The following INVS variants were observed in gnomAD, a reference collection of about 807,000 sequenced individuals.
INVS encodes the protein inversion of embryo turning homolog.
INVS carries 86 observed loss-of-function variants against 108.8 expected under a neutral mutation model. That is an observed-to-expected ratio of 0.79 (90% CI 0.66 to 0.95). The LOEUF (loss-of-function observed/expected upper bound fraction) is 0.95. INVS is among the 40% of genes least tolerant of loss of function. The probability of loss-of-function intolerance (pLI) is 0.00; values close to 1 mark genes in which losing one functional copy is unlikely to be tolerated. For synonymous variants in INVS, 455 were observed against 473.5 expected (o/e 0.96, Z 0.51); for missense variants, 1,169 against 1,297.4 (o/e 0.90, Z 1.52).
At chr9:100,112,377 A>G (rs1469189913) in intron 2 of INVS, among the ~76,000 whole-genome samples, 3 of 152,240 alleles carry the variant, frequency 2.0e-5, no homozygotes, top group Non-Finnish European at 4.4e-5. Flanking sequence ...CTTCTGGGAA[A>G]TACATATATC....
intron 10 of INVS, among the ~76,000 whole-genome samples, chr9:100,253,435 TTTAAG>T (rs1832310039): frequency 6.6e-6 from 1 of 152,156 alleles, no homozygotes; most frequent in African/African-American, 2.4e-5. Flanking sequence ...TTAATTATAC[TTTAAG>T]TTCTAGGGTA....
intron 3 of INVS, among the ~76,000 whole-genome samples, chr9:100,184,069 A>G (rs1432483281): frequency 6.6e-6 from 1 of 152,146 alleles, no homozygotes; most frequent in Non-Finnish European, 1.5e-5. Context: ...TTGTAAAGTT[A>G]TGGATATGAA....
intron 9 of INVS, 85 bp downstream of exon 9, chr9:100,252,523 G>A: frequency 8.2e-7 from 1 of 1,223,504 alleles, no homozygotes; most frequent in Non-Finnish European, 1.2e-6. Context: ...GCTTTCCTTA[G>A]CAGAAAGCTG....
At chr9:100,186,918 C>T (rs1830071075) in intron 3 of INVS, among the ~76,000 whole-genome samples, 1 of 151,920 alleles carries the variant, frequency 6.6e-6, no homozygotes, top group Non-Finnish European at 1.5e-5. Flanking sequence ...GGGTCTTAGT[C>T]ATAAATTTTT....
At chr9:100,145,950 A>G (rs1012377588) in intron 3 of INVS, among the ~76,000 whole-genome samples, 9 of 152,200 alleles carry the variant, frequency 5.9e-5, no homozygotes, top group Admixed American at 2.6e-4. Flanking sequence ...AGAAGAGATT[A>G]AGAAGAGGCG....
intron 3 of INVS, among the ~76,000 whole-genome samples, chr9:100,180,814 G>C (rs1225976853): frequency 6.6e-6 from 1 of 151,868 alleles, no homozygotes; most frequent in Non-Finnish European, 1.5e-5. Flanking sequence ...AAACCTGGCA[G>C]AGACACAACA....
chr9:100,173,371 ATCTGCATTCTTAC>A (rs1007021834), intron 3 of INVS, among the ~76,000 whole-genome samples: 2 of 152,176 alleles, frequency 1.3e-5, no homozygotes, highest in Non-Finnish European at 2.9e-5. Flanking sequence ...CTGAGTAGAA[ATCTGCATTCTTAC>A]TTTTTGAAGA....
intron 10 of INVS, among the ~76,000 whole-genome samples, chr9:100,261,632 G>A (rs1832626019): frequency 6.6e-6 from 1 of 152,154 alleles, no homozygotes; most frequent in Non-Finnish European, 1.5e-5. Flanking sequence ...TTTTACATAA[G>A]TAGAATATTA....
intron 3 of INVS, among the ~76,000 whole-genome samples, chr9:100,151,986 C>T (rs1238810905): frequency 1.3e-5 from 2 of 152,154 alleles, no homozygotes; most frequent in Admixed American, 1.3e-4. Context: ...GCCTAAACTA[C>T]GTCCTATATT....
At chr9:100,228,466 T>C (rs1476842098) in intron 4 of INVS, among the ~76,000 whole-genome samples, 1 of 152,250 alleles carries the variant, frequency 6.6e-6, no homozygotes, top group African/African-American at 2.4e-5. Flanking sequence ...ATGCATGAAT[T>C]TCCTATGCAT....
At chr9:100,248,732 C>T (rs1040716985) in intron 8 of INVS, among the ~76,000 whole-genome samples, 1 of 151,984 alleles carries the variant, frequency 6.6e-6, no homozygotes, top group East Asian at 1.9e-4. Context: ...GGGCCTGGGT[C>T]TCTGTAAATC....
rs369884969 is a variant in INVS, at chr9:100,217,538, C to T, written c.274-8524C>T. 2.6e-5 allele frequency among the ~76,000 whole-genome samples: 4 copies of T among 152,248 alleles called. No individual in the cohort carries two copies. The South Asian group carries it at 8.3e-4, about 32-fold the overall frequency. ...CTGTTTGCATGAGTTTCCCTCCCCT[C>T]CAAGGATTATGGGGGCAATATGGAG... On this transcript the variant is annotated intron_variant, in intron 3 of 16. Coordinates refer to ENST00000262457, the MANE Select transcript of INVS (RefSeq NM_014425.5).
At chr9:100,214,362 G>A (rs1014651) in intron 3 of INVS, among the ~76,000 whole-genome samples, 75,786 of 151,898 alleles carry the variant, frequency 0.5, 19,860 homozygotes, top group African/African-American at 0.59. Flanking sequence ...CAACCCCCAA[G>A]CTCAAAGGTG....
At chr9:100,162,990 A>T (rs1829237619) in intron 3 of INVS, among the ~76,000 whole-genome samples, 1 of 152,108 alleles carries the variant, frequency 6.6e-6, no homozygotes, top group South Asian at 2.1e-4. Flanking sequence ...GTCAGCCACA[A>T]TGTCTGTTGG....
At chr9:100,174,244 A>T (rs747813827) in intron 3 of INVS, among the ~76,000 whole-genome samples, 11 of 152,218 alleles carry the variant, frequency 7.2e-5, no homozygotes, top group Non-Finnish European at 1.5e-4. Flanking sequence ...AACAGATAGG[A>T]TGTCTTGCAG....
At chr9:100,205,557 A>G (rs912901449) in intron 3 of INVS, among the ~76,000 whole-genome samples, 2 of 151,994 alleles carry the variant, frequency 1.3e-5, no homozygotes, top group Non-Finnish European at 2.9e-5. Flanking sequence ...ATAGAAATAA[A>G]CTTCATAGTA....
chr9:100,298,609 C>T (rs1045553864), intron 16 of INVS, among the ~76,000 whole-genome samples: 12 of 116,678 alleles, frequency 1.0e-4, no homozygotes, highest in South Asian at 8.3e-4. Context: ...TATGGCAACA[C>T]GCTCCCCCCT....
At chr9:100,131,571 C>G (rs1280074163) in intron 3 of INVS, among the ~76,000 whole-genome samples, 1 of 152,128 alleles carries the variant, frequency 6.6e-6, no homozygotes, top group Non-Finnish European at 1.5e-5. Context: ...CAAAAGATAT[C>G]TAATTGTTAG....
chr9:100,146,098 G>T (rs749690079), intron 3 of INVS, among the ~76,000 whole-genome samples: 1 of 152,168 alleles, frequency 6.6e-6, no homozygotes, highest in Non-Finnish European at 1.5e-5. Context: ...CCCCCGATCC[G>T]AGTCACAGCA....
Sources: allele counts gnomAD v4.1 joint callset (sites outside exome capture counted in the v4.1 genomes callset), GRCh38; gene constraint gnomAD v4.1.1; transcripts MANE v1.5; gene names NCBI Gene and HGNC (gene_info 2026-07-23, HGNC 2026-07-21).